Variants in SGCE observed in about 807,000 individuals in gnomAD.
SGCE encodes epsilon-sarcoglycan.
Under a neutral mutation model 57.8 loss-of-function variants are expected in SGCE, and 26 were observed. The observed-to-expected ratio is 0.45, with a 90% CI of 0.33 to 0.62. The LOEUF is 0.62. Among genes scored for constraint, SGCE ranks in the 20% least tolerant of loss-of-function variants. SGCE has a pLI of 0.02. For synonymous variants in SGCE, 183 were observed against 189.5 expected, an observed-to-expected ratio of 0.97 and a Z score of 0.28; for missense variants, 468 against 548.6, an observed-to-expected ratio of 0.85 and a Z score of 1.47.
At chr7:94,614,107 C>CAAAA (rs925650428) in intron 5 of SGCE, among the ~76,000 whole-genome samples, 37 of 94,888 alleles carry the variant, frequency 3.9e-4, no homozygotes, top group African/African-American at 9.7e-4. Context: ...AAATTGAAAT[C>CAAAA]AAAAAAAAAA....
chr7:94,636,701 T>A (rs1191180411), intron 1 of SGCE, among the ~76,000 whole-genome samples: 1 of 152,202 alleles, frequency 6.6e-6, no homozygotes, highest in Non-Finnish European at 1.5e-5. Context: ...ATGTCAAAAG[T>A]TAAGGCATTC....
intron 5 of SGCE, among the ~76,000 whole-genome samples, chr7:94,614,329 T>C (rs2116844136): frequency 6.6e-6 from 1 of 152,286 alleles, no homozygotes; most frequent in South Asian, 2.1e-4. Flanking sequence ...CACACAGCAT[T>C]TCCTCCATTC....
At chr7:94,602,774 ATAT>A (rs1033310917) in intron 6 of SGCE, among the ~76,000 whole-genome samples, 2 of 152,162 alleles carry the variant, frequency 1.3e-5, no homozygotes, top group African/African-American at 2.4e-5. Flanking sequence ...TTGGAAAGAA[ATAT>A]TATGTTTATG....
At chr7:94,621,060 A>C (rs1584649709) in intron 4 of SGCE, 1 of 152,288 alleles carries the variant, frequency 6.6e-6, no homozygotes, top group South Asian at 2.1e-4. Context: ...CTACATGACT[A>C]ATTTCCCATT....
intron 5 of SGCE, among the ~76,000 whole-genome samples, chr7:94,604,853 ATAT>A (rs1799851472): frequency 1.0e-5 from 1 of 97,942 alleles, no homozygotes; most frequent in African/African-American, 4.5e-5. Context: ...ATATATATAT[ATAT>A]ATAATAGTTG....
chr7:94,597,378 T>A lies in SGCE; in HGVS notation c.1253+1397A>T, dbSNP rs1452515850. On this transcript the variant is annotated intron_variant, in intron 9 of 10. Coordinates refer to ENST00000648936, the MANE Select transcript of SGCE (RefSeq NM_003919.3). ...TTCTGAAGTATTCTGGATAAACTTATCTAGTCTATCTATACTACTTATATT... is the reference window on the plus strand; with the variant it reads ...TTCTGAAGTATTCTGGATAAACTTAACTAGTCTATCTATACTACTTATATT... The A allele has an allele frequency of 3.3e-5, 5 of 152,152 alleles. No individual in the cohort carries two copies. The East Asian group carries it at 9.6e-4, about 29-fold the overall frequency. 9.4% of individuals were successfully genotyped at this position (152,152 alleles called of 1,614,324 possible). A position where few individuals can be genotyped will look rare whatever the true frequency, so the allele number is the denominator to read the frequency against.
At position 94,628,287 on chromosome 7, in the gene SGCE, C is replaced by T. The variant is rs753195301; in HGVS notation, c.305G>A (p.Arg102Gln). The T allele has an allele frequency of 1.6e-5, 25 of 1,611,308 alleles. No homozygotes were observed. The Admixed American group carries it at 2.7e-4, about 17-fold the overall frequency. The change falls in exon 3 of 11, where the codon CGA (arginine) becomes CAA (glutamine). Residue 102 changes from arginine to glutamine, a missense_variant. Transcript: ENST00000648936. ...ACTATATGGTGTCCTTTGGATATATCGAAGCCATCCAGGTCGGTCTGGGTA... is the reference window on the plus strand; with the variant it reads ...ACTATATGGTGTCCTTTGGATATATTGAAGCCATCCAGGTCGGTCTGGGTA... ...MGYPDRPGWL[R>Q]YIQRTPYSDG...
At position 94,629,793 on chromosome 7, in the gene SGCE, G is replaced by A. The variant is rs1231727428; in HGVS notation, c.158C>T (p.Ser53Leu). The part of the protein sequence containing the change: ...KVHSDRNVYP[S>L]AGVLFVHVLE... Reference sequence around the variant, plus strand: ...AACATGAACAAAGAGGACACCTGCTGATGGGTATACATTCCGATCGGAGTG... The same window carrying A: ...AACATGAACAAAGAGGACACCTGCTAATGGGTATACATTCCGATCGGAGTG... The change falls in exon 2 of 11, where the codon TCA becomes TTA. Residue 53 changes from serine (S) to leucine (L), a missense_variant. Transcript: ENST00000648936. 6.2e-7 allele frequency: 1 copy of A among 1,610,930 alleles called. No homozygotes were observed. Among genetic ancestry groups the A allele is most frequent in the Admixed American group, 1.7e-5 (1 of 59,886 alleles).
intron 5 of SGCE, 67 bp downstream of exon 5, chr7:94,618,691 A>G: frequency 2.2e-6 from 3 of 1,347,284 alleles, no homozygotes; most frequent in Non-Finnish European, 3.2e-6. Flanking sequence ...TCCATCTATA[A>G]TAAGTTTGAT....
chr7:94,639,571 A>G, intron 1 of SGCE: 1 of 624,862 alleles, frequency 1.6e-6, no homozygotes, highest in Non-Finnish European at 2.8e-6. Context: ...TAACTGTTTA[A>G]TTCTAGTCAG....
chr7:94,603,232 C>G, intron 6 of SGCE, 58 bp downstream of exon 6: 1 of 1,403,108 alleles, frequency 7.1e-7, no homozygotes, highest in Non-Finnish European at 1.0e-6. Flanking sequence ...TTTAGTCAAA[C>G]GTTAACTCCA....
intron 1 of SGCE, among the ~76,000 whole-genome samples, chr7:94,631,229 G>A (rs1039692561): frequency 1.3e-5 from 2 of 151,590 alleles, no homozygotes; most frequent in African/African-American, 2.4e-5. Context: ...CTTACCAGCA[G>A]GAATAATCCC....
chr7:94,656,090 C>T lies in SGCE; in HGVS notation c.9G>A (p.Leu3=), dbSNP rs751698983. Residue 3 remains leucine, a synonymous_variant, in exon 1 of 11, where the codon TTG becomes TTA. Coordinates refer to ENST00000648936, the MANE Select transcript of SGCE (RefSeq NM_003919.3). MQ[L]PRWWELGDPC... ...GGTCTCCCAGCTCCCACCACCGGGG[C>T]AATTGCATTCTTGGCCTGGCTAGGC... 4.4e-6 allele frequency: 7 copies of T among 1,605,146 alleles called. No homozygotes were observed. In the East Asian group the frequency reaches 8.9e-5, roughly 20 times the overall value.
At chr7:94,611,531 G>T (rs554340104) in intron 5 of SGCE, among the ~76,000 whole-genome samples, 2 of 152,206 alleles carry the variant, frequency 1.3e-5, no homozygotes, top group East Asian at 1.9e-4. Flanking sequence ...GGGTGGGTGT[G>T]TGGTGTTGGG....
chr7:94,650,584 T>C (rs1307032420), intron 1 of SGCE, among the ~76,000 whole-genome samples: 1 of 150,016 alleles, frequency 6.7e-6, no homozygotes, highest in South Asian at 2.2e-4. Context: ...ATAGGGCTAT[T>C]TAGACAGTTT....
chr7:94,632,412 G>A (rs1463169149), intron 1 of SGCE, among the ~76,000 whole-genome samples: 1 of 151,932 alleles, frequency 6.6e-6, no homozygotes, highest in Non-Finnish European at 1.5e-5. Context: ...GGCCCTCCTG[G>A]GTTTGAAGAT....
At chr7:94,601,093 A>G (rs1449171885) in intron 6 of SGCE, among the ~76,000 whole-genome samples, 1 of 152,142 alleles carries the variant, frequency 6.6e-6, no homozygotes, top group Non-Finnish European at 1.5e-5. Context: ...ACATATATAC[A>G]TATACATTTA....
intron 1 of SGCE, chr7:94,644,471 A>G: frequency 2.9e-6 from 1 of 342,886 alleles, no homozygotes; most frequent in Admixed American, 4.1e-5. Context: ...AAGAGCTGTG[A>G]ATAGTGACTG....
At chr7:94,615,450 G>A (rs1382498150) in intron 5 of SGCE, among the ~76,000 whole-genome samples, 1 of 152,062 alleles carries the variant, frequency 6.6e-6, no homozygotes, top group African/African-American at 2.4e-5. Context: ...AGTTACCATA[G>A]ATAGAGACAA....
Sources: gnomAD v4.1 joint callset for allele counts (sites outside exome capture counted in the v4.1 genomes callset) on GRCh38, gnomAD v4.1.1 for gene constraint, MANE v1.5 for transcripts, NCBI Gene and HGNC (gene_info 2026-07-23, HGNC 2026-07-21) for gene names.